Variants in NXPH1 observed in about 807,000 individuals in gnomAD.
NXPH1 encodes the protein neurexophilin-1.
In NXPH1, 5 loss-of-function variants were observed where a neutral mutation model predicts 23.7. That is an observed-to-expected ratio of 0.21 (90% CI 0.11 to 0.44). NXPH1 has a LOEUF of 0.44. Among genes scored for constraint, NXPH1 ranks in the 20% least tolerant of loss-of-function variants. The pLI is 0.99. For synonymous variants in NXPH1, 144 were observed against 122.2 expected (o/e 1.18, Z -1.18); for missense variants, 324 against 321.6 (o/e 1.01, Z -0.06).
intron 2 of NXPH1, among the ~76,000 whole-genome samples, chr7:8,711,402 C>A (rs1779793359): frequency 6.6e-6 from 1 of 152,026 alleles, no homozygotes; most frequent in Non-Finnish European, 1.5e-5. Context: ...TTCTAGAGGC[C>A]TAACACTGAG....
chr7:8,456,990 A>T (rs1346508659), intron 2 of NXPH1, among the ~76,000 whole-genome samples: 1 of 152,192 alleles, frequency 6.6e-6, no homozygotes, highest in Non-Finnish European at 1.5e-5. Context: ...TCTTCTAAAC[A>T]TTGTCCCTGG....
chr7:8,739,211 A>C lies in NXPH1; in HGVS notation c.55-11797A>C, dbSNP rs868169639. 2.1e-4 allele frequency among the ~76,000 whole-genome samples: 28 copies of C among 135,526 alleles called. No homozygotes were observed. The Middle Eastern group carries it at 0.015, about 74-fold the overall frequency. 88.9% of individuals were successfully genotyped at this position (135,526 alleles called of 152,430 possible). On this transcript the variant is annotated intron_variant, in intron 2 of 2. Coordinates refer to ENST00000405863, the MANE Select transcript of NXPH1 (RefSeq NM_152745.3). ...AAAAAAAAAAAAAAAAAAACCCTGC[A>C]GCTAGCTCTTTGTCTGCCCAAATGG... is the stretch of plus-strand genomic sequence containing the variant.
chr7:8,483,763 C>G (rs956369802), intron 2 of NXPH1, among the ~76,000 whole-genome samples: 1 of 152,048 alleles, frequency 6.6e-6, no homozygotes. Context: ...CTTGGGATCC[C>G]CTGAAAATTT....
intron 2 of NXPH1, among the ~76,000 whole-genome samples, chr7:8,579,098 C>T (rs150617378): frequency 1.1e-4 from 16 of 152,272 alleles, no homozygotes; most frequent in Non-Finnish European, 2.1e-4. Context: ...AAGGGAGAAA[C>T]GTGAAGTGCA....
At chr7:8,615,166 G>T (rs1301519320) in intron 2 of NXPH1, among the ~76,000 whole-genome samples, 1 of 152,046 alleles carries the variant, frequency 6.6e-6, no homozygotes, top group African/African-American at 2.4e-5. Context: ...GAATTCATCT[G>T]CATTTGAGCC....
intron 2 of NXPH1, among the ~76,000 whole-genome samples, chr7:8,491,146 A>C (rs922179448): frequency 6.6e-6 from 1 of 152,014 alleles, no homozygotes; most frequent in Non-Finnish European, 1.5e-5. Context: ...ATTTTACCAG[A>C]GCAATGAATA....
chr7:8,580,936 C>T (rs1005123643), intron 2 of NXPH1, among the ~76,000 whole-genome samples: 2 of 152,136 alleles, frequency 1.3e-5, no homozygotes, highest in Non-Finnish European at 2.9e-5. Context: ...TTTTTAAAAA[C>T]ATAACCATCA....
intron 2 of NXPH1, among the ~76,000 whole-genome samples, chr7:8,737,681 C>T (rs557861797): frequency 6.6e-5 from 10 of 152,172 alleles, no homozygotes; most frequent in Non-Finnish European, 1.2e-4. Flanking sequence ...GTTGACCTGT[C>T]TTGCTAGATT....
rs1262074763 is a variant in NXPH1 at position 8,435,668 on chromosome 7, A to G, written c.-46A>G. On this transcript the variant is annotated 5_prime_UTR_variant, in exon 2 of 3. Transcript: ENST00000405863. The surrounding 1 kb of genome is among the most constrained non-coding windows in gnomAD (Gnocchi z 5.9). The stretch of plus-strand genomic sequence containing the variant: ...GGTGGATCTATGTTTCTGAAGGAAC[A>G]AAGACTCAAAGAAGGCACCGCCAAG... The G allele has an allele frequency of 1.9e-6, 3 of 1,581,158 alleles. No individual in the cohort carries two copies. The highest frequency in any genetic ancestry group is 1.7e-6 in the Non-Finnish European group (2 of 1,150,282).
intron 2 of NXPH1, among the ~76,000 whole-genome samples, chr7:8,571,028 AATCTAATCTAATC>A (rs1818635680): frequency 4.9e-4 from 2 of 4,080 alleles, no homozygotes; most frequent in Non-Finnish European, 9.0e-4. Flanking sequence ...TATCTAATCT[AATCTAATCTAATC>A]TAATCTAATC....
intron 2 of NXPH1, among the ~76,000 whole-genome samples, chr7:8,696,716 C>T (rs1303179025): frequency 6.6e-6 from 1 of 151,882 alleles, no homozygotes; most frequent in East Asian, 1.9e-4. Context: ...AAAGTGAGGC[C>T]TGTAGTCCCA....
At chr7:8,666,381 A>G (rs1820766697) in intron 2 of NXPH1, among the ~76,000 whole-genome samples, 1 of 152,012 alleles carries the variant, frequency 6.6e-6, no homozygotes, top group Non-Finnish European at 1.5e-5. Flanking sequence ...CCTGAGATAA[A>G]CACCACTTGA....
chr7:8,690,530 T>C (rs1361869293), intron 2 of NXPH1, among the ~76,000 whole-genome samples: 2 of 152,194 alleles, frequency 1.3e-5, no homozygotes, highest in Non-Finnish European at 2.9e-5. Flanking sequence ...AGAATACTAA[T>C]GAATACAGGG....
intron 2 of NXPH1, among the ~76,000 whole-genome samples, chr7:8,610,160 C>G (rs542671635): frequency 6.6e-6 from 1 of 152,200 alleles, no homozygotes; most frequent in South Asian, 2.1e-4. Flanking sequence ...TGACTAACAG[C>G]ATTAGAGATA....
At chr7:8,596,681 T>C (rs1583180780) in intron 2 of NXPH1, among the ~76,000 whole-genome samples, 3 of 152,232 alleles carry the variant, frequency 2.0e-5, no homozygotes, top group East Asian at 3.9e-4. Flanking sequence ...GTATATATTA[T>C]CATGATCCTT....
At chr7:8,477,060 C>T (rs564067457) in intron 2 of NXPH1, among the ~76,000 whole-genome samples, 1 of 152,136 alleles carries the variant, frequency 6.6e-6, no homozygotes, top group Non-Finnish European at 1.5e-5. Context: ...GTATGTTAAG[C>T]AGTACCCAAA....
At chr7:8,613,956 G>A (rs80132066) in intron 2 of NXPH1, among the ~76,000 whole-genome samples, 4,682 of 151,510 alleles carry the variant, frequency 0.031, 247 homozygotes, top group East Asian at 0.17. Flanking sequence ...TAGTTTCAAC[G>A]ACTAATATTG....
At chr7:8,733,473 T>C (rs1301305683) in intron 2 of NXPH1, among the ~76,000 whole-genome samples, 1 of 152,200 alleles carries the variant, frequency 6.6e-6, no homozygotes, top group African/African-American at 2.4e-5. Context: ...TCCTCAATGG[T>C]TGAGCTAATT....
At chr7:8,669,701 G>A (rs1009418355) in intron 2 of NXPH1, among the ~76,000 whole-genome samples, 12 of 152,104 alleles carry the variant, frequency 7.9e-5, no homozygotes, top group African/African-American at 2.9e-4. Context: ...GGAGTCCAAG[G>A]CCAAGTCCAC....
Sources: gnomAD v4.1 joint callset for allele counts (sites outside exome capture counted in the v4.1 genomes callset) on GRCh38, gnomAD v4.1.1 for gene constraint, Gnocchi (gnomAD v3.1) non-coding constraint, MANE v1.5 for transcripts, NCBI Gene and HGNC (gene_info 2026-07-23, HGNC 2026-07-21) for gene names.